Variants in CAMTA1 observed in about 807,000 individuals in gnomAD.
The protein encoded by CAMTA1 is calmodulin binding transcription activator 1.
CAMTA1 carries 27 observed loss-of-function variants against 170.9 expected under a neutral mutation model. That is an observed-to-expected ratio of 0.16 (90% CI 0.12 to 0.22). The LOEUF (loss-of-function observed/expected upper bound fraction) is 0.22, where lower values mean the gene tolerates loss of function less well. CAMTA1 is among the 10% of genes least tolerant of loss of function. The pLI, the probability that CAMTA1 is intolerant of heterozygous loss-of-function variation, is 1.00. For synonymous variants in CAMTA1, 833 were observed against 891.5 expected (o/e 0.93, Z 1.17); for missense variants, 1,619 against 2,217.2 (o/e 0.73, Z 5.42).
chr1:7,364,408 A>G (rs967545194), intron 5 of CAMTA1, among the ~76,000 whole-genome samples: 5 of 151,798 alleles, frequency 3.3e-5, no homozygotes, highest in African/African-American at 9.7e-5. Context: ...ATGTGTCCTC[A>G]CATGGTGGAG....
At chr1:6,814,125 A>G (rs1645509194) in intron 1 of CAMTA1, among the ~76,000 whole-genome samples, 1 of 152,174 alleles carries the variant, frequency 6.6e-6, no homozygotes, top group South Asian at 2.1e-4. Context: ...TATGTTAGGA[A>G]AATATTTATT....
intron 5 of CAMTA1, among the ~76,000 whole-genome samples, chr1:7,392,987 A>C (rs2088895872): frequency 6.6e-6 from 1 of 151,534 alleles, no homozygotes; most frequent in African/African-American, 2.4e-5. Flanking sequence ...CAGGAGTTCG[A>C]GGCTGCAGTG....
chr1:7,500,425 CTGT>C (rs1319740016), intron 6 of CAMTA1, among the ~76,000 whole-genome samples: 21 of 150,830 alleles, frequency 1.4e-4, no homozygotes, highest in Non-Finnish European at 3.0e-5. Flanking sequence ...TGGTGTGAGC[CTGT>C]TGTGTGTGTG....
At chr1:7,503,998 C>A (rs763867594) in intron 6 of CAMTA1, among the ~76,000 whole-genome samples, 24 of 152,318 alleles carry the variant, frequency 1.6e-4, no homozygotes, top group Non-Finnish European at 2.9e-4. Context: ...GGTGAACAGT[C>A]TGACCCCAAA....
rs181816041 is a variant in CAMTA1, at chr1:7,318,420, C to T, written c.438+68794C>T. 4.0e-4 allele frequency among the ~76,000 whole-genome samples: 61 copies of T among 152,202 alleles called. 2 individuals are homozygous for T. The South Asian group carries it at 6.9e-3, about 17-fold the overall frequency. On this transcript the variant is annotated intron_variant, in intron 5 of 22. Coordinates refer to ENST00000303635, the MANE Select transcript of CAMTA1 (RefSeq NM_015215.4). The stretch of plus-strand genomic sequence containing the variant: ...GGACAACTTAACAGGGAATGGGAGG[C>T]GAAGGCCAGTGAGTTTCACAGCCAT...
intron 6 of CAMTA1, among the ~76,000 whole-genome samples, chr1:7,594,141 AGG>A (rs1491335425): frequency 8.6e-5 from 13 of 150,504 alleles, no homozygotes; most frequent in African/African-American, 2.7e-4. Context: ...GAAAGAAAGA[AGG>A]AAGGAAGGAA....
intron 3 of CAMTA1, among the ~76,000 whole-genome samples, chr1:6,859,860 C>A (rs1426572645): frequency 6.6e-6 from 1 of 152,164 alleles, no homozygotes; most frequent in South Asian, 2.1e-4. Context: ...TGAGAGCATC[C>A]ATTTCCCCAA....
intron 3 of CAMTA1, among the ~76,000 whole-genome samples, chr1:6,946,156 C>A (rs1185230494): frequency 6.6e-6 from 1 of 151,884 alleles, no homozygotes; most frequent in Non-Finnish European, 1.5e-5. Context: ...TTCTCCACAT[C>A]CTCAGGTGAT....
At position 6,925,759 on chromosome 1, in the gene CAMTA1, G is replaced by C. The variant is rs933672204; in HGVS notation, c.234+100549G>C. Among the ~76,000 whole-genome samples the C allele has an allele frequency of 1.3e-5, 2 of 152,168 alleles. 1 individual carries two copies. The highest frequency in any genetic ancestry group is 4.1e-4 in the South Asian group (2 of 4,824). On this transcript the variant is annotated intron_variant, in intron 3 of 22. Transcript: ENST00000303635. ...CCCTGGTCCCACTGTTTATTTTCTT[G>C]GCTTTTCAATACCTCTTCCCAAGAG...
intron 5 of CAMTA1, among the ~76,000 whole-genome samples, chr1:7,392,020 T>C (rs1049591054): frequency 6.6e-6 from 1 of 152,190 alleles, no homozygotes; most frequent in Non-Finnish European, 1.5e-5. Flanking sequence ...TGGGAAAATA[T>C]ATAGAGGTAA....
At position 6,992,821 on chromosome 1, in the gene CAMTA1, G is replaced by C. The variant is rs1022631363; in HGVS notation, c.235-98483G>C. Among the ~76,000 whole-genome samples the C allele has an allele frequency of 2.0e-5, 3 of 152,340 alleles. No homozygotes were observed. In the East Asian group the frequency reaches 5.8e-4, roughly 29 times the overall value. On this transcript the variant is annotated intron_variant, in intron 3 of 22. Coordinates refer to ENST00000303635, the MANE Select transcript of CAMTA1 (RefSeq NM_015215.4). ...AATCACCTCCCACCAGGCCCCTCCT[G>C]CAACACTGGGGATTACAATTTGGCA...
At chr1:6,984,326 A>G (rs1015382749) in intron 3 of CAMTA1, among the ~76,000 whole-genome samples, 1 of 152,034 alleles carries the variant, frequency 6.6e-6, no homozygotes, top group Non-Finnish European at 1.5e-5. Flanking sequence ...GAAAATTTCT[A>G]TTCTGAAAAT....
chr1:7,281,533 G>A (rs1336332564), intron 5 of CAMTA1, among the ~76,000 whole-genome samples: 1 of 152,106 alleles, frequency 6.6e-6, no homozygotes, highest in East Asian at 1.9e-4. Context: ...TTGAAAACGA[G>A]CATGTTCTTA....
intron 11 of CAMTA1, among the ~76,000 whole-genome samples, chr1:7,701,954 C>T (rs1055762365): frequency 5.9e-5 from 9 of 152,116 alleles, no homozygotes; most frequent in African/African-American, 9.7e-5. Flanking sequence ...AGTTTTAGGG[C>T]GCTGGCAGCA....
chr1:7,160,692 G>T (rs1334504057), intron 4 of CAMTA1, among the ~76,000 whole-genome samples: 1 of 152,104 alleles, frequency 6.6e-6, no homozygotes, highest in Non-Finnish European at 1.5e-5. Flanking sequence ...TATGGATTTT[G>T]TTTCAATGAT....
At chr1:7,610,263 C>T (rs546723920) in intron 6 of CAMTA1, among the ~76,000 whole-genome samples, 12 of 152,230 alleles carry the variant, frequency 7.9e-5, no homozygotes, top group Non-Finnish European at 1.6e-4. Flanking sequence ...GCTGGGATAT[C>T]TGGGTCCTGT....
At chr1:7,341,591 G>C (rs567821006) in intron 5 of CAMTA1, among the ~76,000 whole-genome samples, 74 of 152,348 alleles carry the variant, frequency 4.9e-4, no homozygotes, top group Admixed American at 8.5e-4. Flanking sequence ...GACGAAAGCA[G>C]CCCCAGCTGG....
intron 4 of CAMTA1, among the ~76,000 whole-genome samples, chr1:7,226,909 T>C (rs113289858): frequency 0.034 from 5,229 of 152,198 alleles, 231 homozygotes; most frequent in African/African-American, 0.1. Flanking sequence ...CTCGGCTCAC[T>C]GCAAGCTCCG....
At chr1:6,950,293 G>C (rs1688260428) in intron 3 of CAMTA1, among the ~76,000 whole-genome samples, 1 of 152,184 alleles carries the variant, frequency 6.6e-6, no homozygotes, top group African/African-American at 2.4e-5. Flanking sequence ...GTCAGTTCCT[G>C]CAACATCACA....
Sources: allele counts gnomAD v4.1 joint callset (sites outside exome capture counted in the v4.1 genomes callset), GRCh38; gene constraint gnomAD v4.1.1; transcripts MANE v1.5; gene names NCBI Gene and HGNC (gene_info 2026-07-23, HGNC 2026-07-21).